Variants in EHF observed in about 807,000 individuals in gnomAD.
EHF encodes the protein ESE3 transcription factor.
EHF carries 14 observed loss-of-function variants against 45.1 expected under a neutral mutation model. The observed-to-expected ratio is 0.31, with a 90% CI of 0.21 to 0.49. The LOEUF (loss-of-function observed/expected upper bound fraction) is 0.49. Among genes scored for constraint, EHF ranks in the 20% least tolerant of loss-of-function variants. The probability of loss-of-function intolerance (pLI) is 0.99; values close to 1 mark genes in which losing one functional copy is unlikely to be tolerated. For synonymous variants in EHF, 136 were observed against 131.8 expected (o/e 1.03, Z -0.22); for missense variants, 282 against 371.4 (o/e 0.76, Z 1.98).
chr11:34,657,819 T>A (rs900731054), intron 7 of EHF, among the ~76,000 whole-genome samples: 1 of 150,242 alleles, frequency 6.7e-6, no homozygotes, highest in African/African-American at 2.5e-5. Context: ...AATCCAGAAA[T>A]TATGAGGAAT....
intron 6 of EHF, among the ~76,000 whole-genome samples, chr11:34,653,699 T>A (rs1855416527): frequency 6.6e-6 from 1 of 152,236 alleles, no homozygotes; most frequent in African/African-American, 2.4e-5. Context: ...ATGGGTCAGT[T>A]TCTTTCAGAA....
In EHF at chr11:34,657,145, G is replaced by T. The variant is rs531709475; in HGVS notation, c.607+175G>T. On this transcript the variant is annotated intron_variant, in intron 7 of 8. Transcript: ENST00000257831. ...CTTGCTAGCAAAGTAAGCCCCCTCT[G>T]CAGCTGTTTCTCAAAGTGGAGCCCC... Among the ~76,000 whole-genome samples the T allele has an allele frequency of 2.6e-5, 4 of 152,290 alleles. No individual in the cohort carries two copies. In the South Asian group the frequency reaches 6.2e-4, roughly 24 times the overall value.
intron 7 of EHF, among the ~76,000 whole-genome samples, 183 bp downstream of exon 7, chr11:34,657,153 T>C (rs574914081): frequency 3.0e-4 from 46 of 152,294 alleles, no homozygotes; most frequent in Admixed American, 2.0e-3. Context: ...CTGCAGCTGT[T>C]TCTCAAAGTG....
chr11:34,651,816 A>G lies in EHF; in HGVS notation c.544+11A>G, dbSNP rs188087255. On this transcript the variant is annotated intron_variant, in intron 6 of 8. Coordinates refer to ENST00000257831, the MANE Select transcript of EHF (RefSeq NM_012153.6). The stretch of plus-strand genomic sequence containing the variant: ...GTCACCTTCCTGTTGGTAAGCTGTC[A>G]TCACATCTGAGGCTGGGTATGCCTA... 4.2e-4 allele frequency: 681 copies of G among 1,612,968 alleles called. 2 individuals carry two copies. The African/African-American group carries it at 8.2e-3, about 19-fold the overall frequency.
intron 1 of EHF, among the ~76,000 whole-genome samples, chr11:34,641,014 G>A (rs374226803): frequency 6.6e-6 from 1 of 152,314 alleles, no homozygotes; most frequent in South Asian, 2.1e-4. Flanking sequence ...TTGTCTGGGT[G>A]AGTACTAACC....
At position 34,634,244 on chromosome 11, in the gene EHF, C is replaced by T. The variant is rs535562371; in HGVS notation, c.-3-8384C>T. On this transcript the variant is annotated intron_variant, in intron 1 of 8. Transcript: ENST00000257831. Reference sequence around the variant, plus strand: ...CTTTGAAACGACAGTCATATTGAAACAGGAAGTCAGTAAGCTGTTGCAACA... The same window carrying T: ...CTTTGAAACGACAGTCATATTGAAATAGGAAGTCAGTAAGCTGTTGCAACA... 8.1e-4 allele frequency among the ~76,000 whole-genome samples: 123 copies of T among 152,158 alleles called. 1 individual carries two copies. Among genetic ancestry groups the T allele is most frequent in the African/African-American group, 2.7e-3 (114 of 41,506 alleles).
At position 34,651,575 on chromosome 11, in the gene EHF, A is replaced by C. The variant is rs748912254; in HGVS notation, c.440A>C (p.Asn147Thr). The C allele has an allele frequency of 8.1e-6, 13 of 1,614,034 alleles. No homozygotes were observed. Among genetic ancestry groups the C allele is most frequent in the Non-Finnish European group, 1.1e-5 (13 of 1,179,922 alleles). Residue 147 changes from asparagine to threonine, a missense_variant, in exon 5 of 9, where the codon AAC (asparagine) becomes ACC (threonine). Asn to Thr is a moderately conservative substitution (Grantham distance 65, BLOSUM62 0). Around this residue, in one of 3 missense-constraint regions of EHF, gnomAD observed 213 missense variants for 247.3 expected, o/e 0.86. Transcript: ENST00000257831. ...ATCATGAACACCTGGAAAGACGAGA[A>C]CTATTTATATGACACCAACTATGGT... The part of the protein sequence containing the change: ...PSIMNTWKDE[N>T]YLYDTNYGST...
intron 3 of EHF, among the ~76,000 whole-genome samples, chr11:34,647,158 G>C (rs1298173106): frequency 6.6e-6 from 1 of 150,860 alleles, no homozygotes; most frequent in Non-Finnish European, 1.5e-5. Context: ...GTGGTAAGAA[G>C]ATATATGAAA....
intron 6 of EHF, among the ~76,000 whole-genome samples, chr11:34,655,476 A>G (rs1220339191): frequency 6.6e-6 from 1 of 152,208 alleles, no homozygotes; most frequent in Non-Finnish European, 1.5e-5. Flanking sequence ...GCCGGCCACC[A>G]TTTCTGGAAA....
In EHF at chr11:34,651,607, G is replaced by A. The variant is rs1451876864; in HGVS notation, c.472G>A (p.Val158Ile). 1.9e-6 allele frequency: 3 copies of A among 1,613,704 alleles called. No homozygotes were observed. Among genetic ancestry groups the A allele is most frequent in the East Asian group, 2.2e-5 (1 of 44,872 alleles). ...YLYDTNYGSTVDLLDSKTFCR... is the reference protein window; with the variant it reads ...YLYDTNYGSTIDLLDSKTFCR... ...ATATGACACCAACTATGGTAGCACA[G>A]TAGGTAACTAACTCCCTGACACTTA... The change falls in exon 5 of 9, where the codon GTA becomes ATA. Residue 158 changes from valine to isoleucine, a missense_variant. Physicochemically the swap from Val to Ile is conservative, Grantham distance 29. This residue lies in a region of EHF where 213 missense variants were observed against 247.3 expected (regional missense o/e 0.86). Coordinates refer to ENST00000257831, the MANE Select transcript of EHF (RefSeq NM_012153.6).
chr11:34,635,894 G>A (rs1202579725), intron 1 of EHF, among the ~76,000 whole-genome samples: 1 of 152,046 alleles, frequency 6.6e-6, no homozygotes, highest in Non-Finnish European at 1.5e-5. Flanking sequence ...AGCCAGAGGG[G>A]AACATCATGG....
Position 34,644,841 on chromosome 11 carries a change from C to T in EHF, c.98-1598C>T, listed in dbSNP as rs564038932. 5.9e-5 allele frequency among the ~76,000 whole-genome samples: 9 copies of T among 152,356 alleles called. No individual in the cohort carries two copies. In the South Asian group the frequency reaches 1.7e-3, roughly 28 times the overall value. ...TAGGAATGCAGAAACTCAGGCCTTG[C>T]CCCAGACCTGTTGAATCAGAATCGG... On this transcript the variant is annotated intron_variant, in intron 2 of 8. Coordinates refer to ENST00000257831, the MANE Select transcript of EHF (RefSeq NM_012153.6).
At chr11:34,629,666 G>C (rs1272570384) in intron 1 of EHF, among the ~76,000 whole-genome samples, 1 of 152,164 alleles carries the variant, frequency 6.6e-6, no homozygotes, top group East Asian at 1.9e-4. Flanking sequence ...TGGTGGAAGA[G>C]GGGAAGACTT....
At chr11:34,657,090 A>G in intron 7 of EHF, 120 bp downstream of exon 7, 2 of 1,213,888 alleles carry the variant, frequency 1.6e-6, no homozygotes, top group South Asian at 2.8e-5. Context: ...TTCATCCCAA[A>G]CAGGGTGGAG....
rs772203112 is a variant in EHF at position 34,656,955 on chromosome 11, C to A, written c.592C>A (p.His198Asn). The change falls in exon 7 of 9, where the codon CAC becomes AAC. Residue 198 changes from histidine to asparagine, a missense_variant. By Grantham distance (68) the His-to-Asn change is moderately conservative (BLOSUM62 1). Transcript: ENST00000257831. ...GGAGCAAGACCCCCCTGCCAAGTGC[C>A]ACACCAAAAAGCACAGTAAGTTGGC... is the stretch of plus-strand genomic sequence containing the variant. Reference protein sequence around the residue: ...KKEQDPPAKCHTKKHNPRGTH... With the variant: ...KKEQDPPAKCNTKKHNPRGTH... 18 of 1,613,488 alleles carry A rather than the reference C, an allele frequency of 1.1e-5. 1 individual carries two copies. In the Admixed American group the frequency reaches 1.8e-4, roughly 16 times the overall value.
intron 2 of EHF, among the ~76,000 whole-genome samples, chr11:34,645,156 A>G (rs565380684): frequency 6.6e-6 from 1 of 152,142 alleles, no homozygotes; most frequent in African/African-American, 2.4e-5. Flanking sequence ...CAGCCCTGTT[A>G]CATGCCCTCA....
intron 2 of EHF, among the ~76,000 whole-genome samples, chr11:34,644,744 T>C (rs1481019070): frequency 6.6e-6 from 1 of 152,216 alleles, no homozygotes. Flanking sequence ...TTATGGGAGT[T>C]AAACCTTTCT....
intron 1 of EHF, among the ~76,000 whole-genome samples, chr11:34,623,610 T>G (rs1386662857): frequency 1.3e-5 from 2 of 152,192 alleles, no homozygotes; most frequent in Non-Finnish European, 2.9e-5. Flanking sequence ...GTTAAAAGGT[T>G]TACTAGGTTG....
At chr11:34,621,673 G>C (rs1406121205) in intron 1 of EHF, among the ~76,000 whole-genome samples, 1 of 152,144 alleles carries the variant, frequency 6.6e-6, no homozygotes, top group Non-Finnish European at 1.5e-5. Flanking sequence ...TAATTTTTCT[G>C]ACTTATGAGC....
Sources: gnomAD v4.1 joint callset for allele counts (sites outside exome capture counted in the v4.1 genomes callset) on GRCh38, gnomAD v4.1.1 for gene constraint, gnomAD v4.1.1 regional missense constraint, MANE v1.5 for transcripts, NCBI Gene and HGNC (gene_info 2026-07-23, HGNC 2026-07-21) for gene names.